CAPN11: variants seen among roughly 807,000 people sequenced by gnomAD.
CAPN11 encodes calpain-11.
A neutral mutation model predicts 105.3 loss-of-function variants in CAPN11; 108 were observed. The ratio of observed to expected loss-of-function variants is 1.03; its 90% CI spans 0.88 to 1.20. The LOEUF is 1.20. Among genes scored for constraint, CAPN11 ranks in the 50% most tolerant of loss-of-function variants. The pLI is 0.00. For synonymous variants in CAPN11, 329 were observed against 344.5 expected (o/e 0.96, Z 0.50); for missense variants, 883 against 924.8 (o/e 0.95, Z 0.59).
intron 5 of CAPN11, 97 bp from the exon 6 acceptor site, chr6:44,172,843 G>C (rs62401124): frequency 1.5e-6 from 2 of 1,368,374 alleles, no homozygotes; most frequent in Admixed American, 2.4e-5. Flanking sequence ...ATTCTGGAGA[G>C]TGGAGCCTCT....
chr6:44,175,863 C>CAT (rs1771904607), intron 7 of CAPN11, among the ~76,000 whole-genome samples: 1 of 152,106 alleles, frequency 6.6e-6, no homozygotes, highest in Non-Finnish European at 1.5e-5. Context: ...ACTGGGGGAA[C>CAT]CTGAGTATGG....
chr6:44,168,934 T>TA (rs766711838), intron 2 of CAPN11: 4 of 455,998 alleles, frequency 8.8e-6, no homozygotes, highest in Non-Finnish European at 1.8e-5. Flanking sequence ...TTATTTATTT[T>TA]TTTTTAGAGA....
chr6:44,165,261 G>T (rs868104388), intron 1 of CAPN11, among the ~76,000 whole-genome samples: 2 of 152,144 alleles, frequency 1.3e-5, no homozygotes, highest in Non-Finnish European at 2.9e-5. Flanking sequence ...GAAGAAAGGG[G>T]CCAGTTGGGG....
chr6:44,180,273 C>A, intron 14 of CAPN11, 110 bp downstream of exon 14: 1 of 946,970 alleles, frequency 1.1e-6, no homozygotes, highest in Non-Finnish European at 1.6e-6. Flanking sequence ...ATTTTACAGT[C>A]AGGGAAACTG....
chr6:44,161,847 G>A, intron 1 of CAPN11: 1 of 456,230 alleles, frequency 2.2e-6, no homozygotes, highest in South Asian at 1.5e-5. Flanking sequence ...GAGGCTGCCT[G>A]GAGTGACTGC....
At chr6:44,160,088 C>T (rs1021203133) in intron 1 of CAPN11, among the ~76,000 whole-genome samples, 5 of 151,670 alleles carry the variant, frequency 3.3e-5, no homozygotes, top group African/African-American at 1.2e-4. Flanking sequence ...GAGCCGAGAT[C>T]GTGCCACCGC....
In CAPN11 at chr6:44,176,579, A is replaced by G; in HGVS notation, c.1002-2A>G. ...TCCTTCCACCGCCCATCTCTGCTCC[A>G]GTGCCAGGGAGTGGGAAGAGGTGGC... On this transcript the variant is annotated splice_acceptor_variant, in intron 9 of 22. Coordinates refer to ENST00000398776, the MANE Select transcript of CAPN11 (RefSeq NM_007058.4). LOFTEE classifies it high-confidence loss of function. 3 of 1,611,990 alleles carry G rather than the reference A, an allele frequency of 1.9e-6. No individual in the cohort carries two copies. The highest frequency in any genetic ancestry group is 2.5e-6 in the Non-Finnish European group (3 of 1,178,532).
intron 2 of CAPN11, 137 bp downstream of exon 2, chr6:44,166,966 T>C: frequency 3.1e-6 from 2 of 640,436 alleles, no homozygotes; most frequent in Non-Finnish European, 5.6e-6. Flanking sequence ...GAGGGGAGGC[T>C]ACCCTCAGGA....
chr6:44,166,766 C>A lies in CAPN11; in HGVS notation c.25C>A (p.Leu9Ile). 1 of 1,551,956 alleles carries A rather than the reference C, an allele frequency of 6.4e-7. No individual in the cohort carries two copies. The highest frequency in any genetic ancestry group is 2.4e-5 in the East Asian group (1 of 40,916). ...ACTCTTTCTTATTCTAGGGCCGAGTCTTCCGGAGTCAGCAGAGAGCCTGGA... is the reference window on the plus strand; with the variant it reads ...ACTCTTTCTTATTCTAGGGCCGAGTATTCCGGAGTCAGCAGAGAGCCTGGA... MLYSPGPS[L>I]PESAESLDGS... The change falls in exon 2 of 23, where the codon CTT (leucine) becomes ATT (isoleucine). Residue 9 changes from leucine (L) to isoleucine (I), a missense_variant. Leu to Ile is a conservative substitution (Grantham distance 5, BLOSUM62 2). Coordinates refer to ENST00000398776, the MANE Select transcript of CAPN11 (RefSeq NM_007058.4).
chr6:44,181,357 GAA>G, intron 19 of CAPN11, 37 bp downstream of exon 19: 1 of 1,582,512 alleles, frequency 6.3e-7, no homozygotes, highest in Non-Finnish European at 8.7e-7. Flanking sequence ...CAGGGGTGAG[GAA>G]AAGAGGGTCT....
At chr6:44,177,058 C>T in intron 11 of CAPN11, 60 bp downstream of exon 11, 1 of 1,571,968 alleles carries the variant, frequency 6.4e-7, no homozygotes, top group Non-Finnish European at 8.7e-7. Flanking sequence ...CCACGGCTCA[C>T]CACGAAACCA....
At chr6:44,169,097 A>G in intron 2 of CAPN11, 184 bp from the exon 3 acceptor site, 1 of 657,882 alleles carries the variant, frequency 1.5e-6, no homozygotes, top group South Asian at 1.5e-5. Flanking sequence ...TGCCCAGCTA[A>G]TTAAAAAAAA....
rs772380025 is a variant in CAPN11 at position 44,172,981 on chromosome 6, C to A, written c.570C>A (p.Asp190Glu). Residue 190 changes from aspartate (D) to glutamate (E), a missense_variant, in exon 6 of 23, where the codon GAC becomes GAA. By Grantham distance (45) the Asp-to-Glu change is conservative. Coordinates refer to ENST00000398776, the MANE Select transcript of CAPN11 (RefSeq NM_007058.4). ...FGQWVNVVVD[D>E]RLPTKNDKLV... ...AGTGGGTGAACGTGGTGGTAGATGACCGGCTGCCCACAAAGAATGACAAGC... is the reference window on the plus strand; with the variant it reads ...AGTGGGTGAACGTGGTGGTAGATGAACGGCTGCCCACAAAGAATGACAAGC... The A allele has an allele frequency of 6.2e-7, 1 of 1,613,122 alleles. No homozygotes were observed.
At chr6:44,181,407 A>T in intron 19 of CAPN11, 87 bp downstream of exon 19, 1 of 1,028,790 alleles carries the variant, frequency 9.7e-7, no homozygotes, top group South Asian at 1.3e-5. Flanking sequence ...GCTAGAACCC[A>T]AGCCCTAACC....
intron 1 of CAPN11, among the ~76,000 whole-genome samples, chr6:44,163,388 C>T (rs79482884): frequency 7.9e-5 from 12 of 152,300 alleles, no homozygotes; most frequent in South Asian, 4.2e-4. Context: ...GTACAATGGA[C>T]GAAGGGGCCG....
At chr6:44,162,027 C>T (rs142033029) in intron 1 of CAPN11, 34 of 396,446 alleles carry the variant, frequency 8.6e-5, no homozygotes, top group African/African-American at 6.8e-4. Flanking sequence ...CTGGCCTCTA[C>T]TTACTAGATG....
intron 1 of CAPN11, chr6:44,162,041 G>C (rs1768930607): frequency 2.6e-6 from 1 of 383,160 alleles, no homozygotes; most frequent in African/African-American, 2.1e-5. Flanking sequence ...CTAGATGCCA[G>C]TAGCTCCCCT....
In CAPN11 at chr6:44,158,837, C is replaced by A. The variant is rs748561413; in HGVS notation, c.-12C>A. 2.6e-5 allele frequency: 41 copies of A among 1,551,298 alleles called. No individual in the cohort carries two copies. The Admixed American group carries it at 3.9e-4, about 15-fold the overall frequency. ...GAACCTTCAACTGTCAAGCACCGAG[C>A]TAGCCACCAGCATGCTGTACTCCCC... On this transcript the variant is annotated 5_prime_UTR_variant, in exon 1 of 23. Coordinates refer to ENST00000398776, the MANE Select transcript of CAPN11 (RefSeq NM_007058.4).
At chr6:44,169,074 G>A in intron 2 of CAPN11, 3 of 586,858 alleles carry the variant, frequency 5.1e-6, no homozygotes, top group Non-Finnish European at 9.5e-6. Context: ...GGGACTACAG[G>A]CACACGTCAC....
Sources: allele counts gnomAD v4.1 joint callset (sites outside exome capture counted in the v4.1 genomes callset), GRCh38; gene constraint gnomAD v4.1.1; transcripts MANE v1.5; gene names NCBI Gene and HGNC (gene_info 2026-07-23, HGNC 2026-07-21).